Variants in NLRC4 observed in about 807,000 individuals in gnomAD.
NLRC4 encodes the protein NLR family CARD domain containing 4.
Under a neutral mutation model 79.9 loss-of-function variants are expected in NLRC4, and 63 were observed. The observed-to-expected ratio is 0.79, with a 90% CI of 0.64 to 0.97. The LOEUF (loss-of-function observed/expected upper bound fraction) is 0.97. Ranked by LOEUF, NLRC4 falls within the 50% of genes least tolerant of loss-of-function variation. The probability of loss-of-function intolerance (pLI) is 0.00; values close to 1 mark genes in which losing one functional copy is unlikely to be tolerated. For synonymous variants in NLRC4, 461 were observed against 456.5 expected, an observed-to-expected ratio of 1.01 and a Z score of -0.12; for missense variants, 1,074 against 1,215.2, an observed-to-expected ratio of 0.88 and a Z score of 1.73.
At chr2:32,253,169 A>C (rs962913317) in intron 2 of NLRC4, among the ~76,000 whole-genome samples, 3 of 151,688 alleles carry the variant, frequency 2.0e-5, no homozygotes, top group Admixed American at 6.6e-5. Flanking sequence ...TTTTTTTCTG[A>C]GACGGAGTCT....
rs1166453034 is a variant in NLRC4, at chr2:32,254,328, A to G, written c.2-1649T>C. ...TATTTTTAGCCTTTATTCAGGTGTC[A>G]CCAGACAAAGAGCACATTGTATCTC... On this transcript the variant is annotated intron_variant, in intron 2 of 8. Coordinates refer to ENST00000402280, the MANE Select transcript of NLRC4 (RefSeq NM_001199138.2). Among the ~76,000 whole-genome samples, 3 of 140,796 alleles carry G rather than the reference A, an allele frequency of 2.1e-5. No individual in the cohort carries two copies. In the East Asian group the frequency reaches 5.9e-4, roughly 28 times the overall value. 92.4% of individuals were successfully genotyped at this position (140,796 alleles called of 152,430 possible). A position where few individuals can be genotyped will look rare whatever the true frequency, so the allele number is the denominator to read the frequency against.
chr2:32,250,864 G>T lies in NLRC4; in HGVS notation c.1000C>A (p.Leu334Ile). ...QIQKSRCLRN[L>I]MKTPLFVVIT... ...ACCACAAAGAGAGGGGTCTTCATGA[G>T]ATTCCTCAAGCACCTGGATTTCTGA... The change falls in exon 4 of 9, where the codon CTC (leucine) becomes ATC (isoleucine). Residue 334 changes from leucine to isoleucine, a missense_variant. Transcript: ENST00000402280. This position sits in a 1 kb window ranked among gnomAD's most constrained non-coding sequence, Gnocchi z 4.9. The T allele has an allele frequency of 6.2e-7, 1 of 1,614,188 alleles. No homozygotes were observed. Among genetic ancestry groups the T allele is most frequent in the Non-Finnish European group, 8.5e-7 (1 of 1,180,046 alleles).
intron 4 of NLRC4, among the ~76,000 whole-genome samples, chr2:32,244,010 G>A (rs1415978378): frequency 6.6e-6 from 1 of 152,112 alleles, no homozygotes; most frequent in African/African-American, 2.4e-5. Context: ...AGCACTTCGG[G>A]AGGCCCAGGC....
At chr2:32,249,457 G>A in intron 4 of NLRC4, 150 bp downstream of exon 4, 1 of 675,156 alleles carries the variant, frequency 1.5e-6, no homozygotes, top group Non-Finnish European at 2.5e-6. Context: ...TCTGGTCTTG[G>A]TTGGAGGCAT....
chr2:32,241,024 A>T lies in NLRC4; in HGVS notation c.2350+9T>A, dbSNP rs146103494. ...TACATTGATACAAATATGAGAACAG[A>T]AATCTGACCTAGTTTTATAGCATCT... On this transcript the variant is annotated intron_variant, in intron 5 of 8. Coordinates refer to ENST00000402280, the MANE Select transcript of NLRC4 (RefSeq NM_001199138.2). The T allele has an allele frequency of 1.3e-6, 2 of 1,512,638 alleles. No homozygotes were observed. The highest frequency in any genetic ancestry group is 3.4e-4 in the Middle Eastern group (2 of 5,842). 93.7% of individuals were successfully genotyped at this position (1,512,638 alleles called of 1,614,324 possible).
chr2:32,237,316 C>G (rs1686695805), intron 6 of NLRC4, among the ~76,000 whole-genome samples: 1 of 152,060 alleles, frequency 6.6e-6, no homozygotes, highest in Admixed American at 6.6e-5. Context: ...GGGTTTTGTG[C>G]TCTACAATAA....
At chr2:32,262,852 C>T (rs531954541) in intron 1 of NLRC4, among the ~76,000 whole-genome samples, 81 of 151,804 alleles carry the variant, frequency 5.3e-4, no homozygotes, top group African/African-American at 1.8e-3. Flanking sequence ...AACCCCTCCC[C>T]GCAAGCTGTC....
intron 4 of NLRC4, among the ~76,000 whole-genome samples, chr2:32,248,228 AG>A (rs1374256331): frequency 4.3e-4 from 66 of 152,210 alleles, no homozygotes; most frequent in African/African-American, 1.6e-3. Flanking sequence ...TCTTGATTAT[AG>A]CTGTAAACTA....
At chr2:32,225,715 A>G (rs1396088236) in intron 8 of NLRC4, among the ~76,000 whole-genome samples, 1 of 152,174 alleles carries the variant, frequency 6.6e-6, no homozygotes, top group African/African-American at 2.4e-5. Flanking sequence ...GAGTGGACAG[A>G]CAGGCAGACT....
rs1382495527 is a variant in NLRC4, at chr2:32,241,122, C to A, written c.2261G>T (p.Gly754Val). The A allele has an allele frequency of 1.3e-6, 2 of 1,592,682 alleles. No individual in the cohort carries two copies. Among genetic ancestry groups the A allele is most frequent in the East Asian group, 2.3e-5 (1 of 44,380 alleles). Residue 754 changes from glycine to valine, a missense_variant, in exon 5 of 9, where the codon GGT (glycine) becomes GTT (valine). By Grantham distance (109) the Gly-to-Val change is moderately radical. Transcript: ENST00000402280. The part of the protein sequence containing the change: ...HDLQNQRLPG[G>V]LTDSLGNLKN... ...CAAGTTACCCAAGCTGTCAGTCAGA[C>A]CACCTGTCAAAAGAAAAAAGATTGG...
intron 1 of NLRC4, 114 bp downstream of exon 1, chr2:32,264,624 C>G (rs996556344): frequency 1.1e-4 from 16 of 151,870 alleles, no homozygotes; most frequent in African/African-American, 3.1e-4. Context: ...AAATCACACT[C>G]GTCAATGTTA....
Position 32,250,033 on chromosome 2 carries a change from A to T in NLRC4, c.1831T>A (p.Phe611Ile), listed in dbSNP as rs751939760. The T allele has an allele frequency of 1.9e-6, 3 of 1,614,246 alleles. No homozygotes were observed. In the South Asian group the frequency reaches 3.3e-5, roughly 18 times the overall value. The part of the protein sequence containing the change: ...HLPNCASALD[F>I]IKLDFYGGAM... The stretch of plus-strand genomic sequence containing the variant: ...CCCCCATAAAAGTCCAGTTTAATGA[A>T]GTCCAGGGCACTTGCACAATTGGGC... Residue 611 changes from phenylalanine (F) to isoleucine (I), a missense_variant, in exon 4 of 9, where the codon TTC becomes ATC. Coordinates refer to ENST00000402280, the MANE Select transcript of NLRC4 (RefSeq NM_001199138.2). This position sits in a 1 kb window ranked among gnomAD's most constrained non-coding sequence, Gnocchi z 4.9.
intron 7 of NLRC4, among the ~76,000 whole-genome samples, chr2:32,236,040 C>T (rs1409278909): frequency 6.6e-6 from 1 of 152,104 alleles, no homozygotes; most frequent in Non-Finnish European, 1.5e-5. Context: ...CCTCAAAGTG[C>T]AGTGAGCATA....
At chr2:32,253,964 CAAAAAA>C (rs71407436) in intron 2 of NLRC4, among the ~76,000 whole-genome samples, 1 of 107,944 alleles carries the variant, frequency 9.3e-6, no homozygotes, top group African/African-American at 3.7e-5. Context: ...AACTCTGTCT[CAAAAAA>C]AAAAAAAAAA....
At chr2:32,261,885 A>G (rs1332888086) in intron 1 of NLRC4, among the ~76,000 whole-genome samples, 1 of 151,414 alleles carries the variant, frequency 6.6e-6, no homozygotes, top group African/African-American at 2.4e-5. Context: ...GATCGAGACC[A>G]TCCTGGCCAA....
intron 1 of NLRC4, among the ~76,000 whole-genome samples, chr2:32,260,392 C>G (rs1687316234): frequency 6.6e-6 from 1 of 152,118 alleles, no homozygotes; most frequent in Admixed American, 6.6e-5. Context: ...TACTTTGACT[C>G]TGATCTTTCT....
intron 2 of NLRC4, among the ~76,000 whole-genome samples, chr2:32,253,762 C>G (rs907188054): frequency 2.0e-5 from 3 of 151,802 alleles, no homozygotes; most frequent in African/African-American, 7.3e-5. Context: ...GTCGGGAGTT[C>G]GAGACCAGCC....
Position 32,250,742 on chromosome 2 carries a change from G to A in NLRC4, c.1122C>T (p.Asn374=), listed in dbSNP as rs199475954. The A allele has an allele frequency of 9.4e-5, 151 of 1,614,172 alleles. No individual in the cohort carries two copies. In the Admixed American group the frequency reaches 2.5e-3, roughly 27 times the overall value. Residue 374 remains asparagine, a synonymous_variant, in exon 4 of 9, where the codon AAC becomes AAT. Coordinates refer to ENST00000402280, the MANE Select transcript of NLRC4 (RefSeq NM_001199138.2). The surrounding 1 kb of genome is among the most constrained non-coding windows in gnomAD (Gnocchi z 4.9). The stretch of plus-strand genomic sequence containing the variant: ...CAGCCACACCTTTATGTTTGTGTTT[G>A]TTTTTCTGTATCAACAGATCATAGA... ...HTFYDLLIQK[N]KHKHKGVAAS...
At chr2:32,229,593 G>A (rs1025663742) in intron 8 of NLRC4, among the ~76,000 whole-genome samples, 10 of 152,214 alleles carry the variant, frequency 6.6e-5, no homozygotes, top group African/African-American at 2.4e-4. Context: ...ACATGGCAAA[G>A]CTTGGAGATC....
Sources: allele counts gnomAD v4.1 joint callset (sites outside exome capture counted in the v4.1 genomes callset), GRCh38; gene constraint gnomAD v4.1.1; non-coding constraint Gnocchi (gnomAD v3.1); transcripts MANE v1.5; gene names NCBI Gene and HGNC (gene_info 2026-07-23, HGNC 2026-07-21).